Variants in GNL3 observed in about 807,000 individuals in gnomAD.
The protein encoded by GNL3 is guanine nucleotide-binding protein-like 3.
Under a neutral mutation model 70.6 loss-of-function variants are expected in GNL3, and 77 were observed. That is an observed-to-expected ratio of 1.09 (90% confidence interval 0.91 to 1.32). The LOEUF is 1.32. GNL3 is among the 40% of genes most tolerant of loss of function. GNL3 has a pLI of 0.00. For missense variants in GNL3, 634 were observed against 644.0 expected (o/e 0.98, Z 0.17); for synonymous variants, 252 against 216.1 (o/e 1.17, Z -1.46).
intron 5 of GNL3, 181 bp from the exon 6 acceptor site, chr3:52,688,893 A>G (rs2097324665): frequency 4.9e-6 from 3 of 614,712 alleles, no homozygotes; most frequent in Non-Finnish European, 8.7e-6. Flanking sequence ...CCTGTGTGAG[A>G]AATGATGAGG....
Position 52,694,046 on chromosome 3 carries a change from T to C in GNL3, c.1510T>C (p.Ser504Pro). The C allele has an allele frequency of 6.2e-7, 1 of 1,613,648 alleles. No individual in the cohort carries two copies. Reference sequence around the variant, plus strand: ...TTTCTTTGTCACACAGGAAAACAGCTCAGGCATGTTTGCTGCAGAAGAGAC... The same window carrying C: ...TTTCTTTGTCACACAGGAAAACAGCCCAGGCATGTTTGCTGCAGAAGAGAC... ...TVDEEVDENS[S>P]GMFAAEETGE... Residue 504 changes from serine to proline, a missense_variant, in exon 14 of 15, where the codon TCA (serine) becomes CCA (proline). Physicochemically the swap from Ser to Pro is moderately conservative, Grantham distance 74. Coordinates refer to ENST00000418458, the MANE Select transcript of GNL3 (RefSeq NM_014366.5).
At chr3:52,685,929 A>T, upstream of GNL3, 2 of 676,622 alleles carry the variant, frequency 3.0e-6, no homozygotes, top group South Asian at 3.1e-5. Flanking sequence ...CGCGGCCGCC[A>T]AGCGATCCCT....
At chr3:52,693,382 T>C in intron 11 of GNL3, 26 bp from the exon 12 acceptor site, 1 of 1,614,106 alleles carries the variant, frequency 6.2e-7, no homozygotes. Flanking sequence ...AAACCTTCTT[T>C]TGACACATCT....
rs2097324948 is a variant in GNL3 at position 52,689,152 on chromosome 3, G to A, written c.487G>A (p.Glu163Lys). The change falls in exon 6 of 15, where the codon GAG (glutamate) becomes AAG (lysine). Residue 163 changes from glutamate (E) to lysine (K), a missense_variant. Transcript: ENST00000418458. ...PLGCRCPQVE[E>K]AIVQSGQKKL... ...TGGTTGCAGATGTCCTCAGGTAGAA[G>A]AGGCCATTGTCCAGAGTGGACAGAA... 3.1e-6 allele frequency: 5 copies of A among 1,612,966 alleles called. No individual in the cohort carries two copies. The East Asian group carries it at 1.1e-4, about 36-fold the overall frequency.
At chr3:52,689,246 G>A in intron 6 of GNL3, 40 bp downstream of exon 6, 1 of 1,573,634 alleles carries the variant, frequency 6.4e-7, no homozygotes, top group Non-Finnish European at 8.7e-7. Flanking sequence ...GTGTACATGG[G>A]TGAGGTACGA....
chr3:52,693,966 G>T lies in GNL3; in HGVS notation c.1501-71G>T. 5 of 1,394,558 alleles carry T rather than the reference G, an allele frequency of 3.6e-6. No individual in the cohort carries two copies. In the East Asian group the frequency reaches 6.8e-5, roughly 19 times the overall value. 86.4% of individuals were successfully genotyped at this position (1,394,558 alleles called of 1,614,324 possible). ...TACCTCCAAAGAGTTAATTTTTCAG[G>T]TACATAACTACTTGGATTAAATGAG... is the stretch of plus-strand genomic sequence containing the variant. On this transcript the variant is annotated intron_variant, in intron 13 of 14. Coordinates refer to ENST00000418458, the MANE Select transcript of GNL3 (RefSeq NM_014366.5).
At chr3:52,689,944 C>T (rs1231914990) in intron 6 of GNL3, among the ~76,000 whole-genome samples, 1 of 152,040 alleles carries the variant, frequency 6.6e-6, no homozygotes, top group African/African-American at 2.4e-5. Context: ...AACACTTCGT[C>T]TCAAAAATGA....
chr3:52,689,185 G>GT lies in GNL3; in HGVS notation c.521dup (p.Leu175ThrfsTer5). 1 of 1,613,500 alleles carries GT rather than the reference G, an allele frequency of 6.2e-7. No homozygotes were observed. Among genetic ancestry groups the GT allele is most frequent in the Non-Finnish European group, 8.5e-7 (1 of 1,179,438 alleles). On this transcript the variant is annotated frameshift_variant, in exon 6 of 15. Coordinates refer to ENST00000418458, the MANE Select transcript of GNL3 (RefSeq NM_014366.5). LOFTEE classifies it high-confidence loss of function. ...TGTCCAGAGTGGACAGAAAAAGCTG[G>GT]TACTTATATTAAATAAATCAGGTGA...
At chr3:52,690,524 A>C (rs933829725) in intron 6 of GNL3, 68 bp from the exon 7 acceptor site, 1 of 845,674 alleles carries the variant, frequency 1.2e-6, no homozygotes, top group East Asian at 2.5e-5. Context: ...CGGCCTCCCA[A>C]AGTGCTGGGA....
At chr3:52,690,549 C>T in intron 6 of GNL3, 43 bp from the exon 7 acceptor site, 4 of 1,112,826 alleles carry the variant, frequency 3.6e-6, no homozygotes, top group South Asian at 1.2e-5. Context: ...AGGCGTGAGC[C>T]ACCGTGCCTG....
rs767523266 is a variant in GNL3, at chr3:52,693,696, A to C, written c.1389A>C (p.Ile463=). 2.0e-5 allele frequency: 33 copies of C among 1,613,972 alleles called. 1 individual carries two copies. The Admixed American group carries it at 5.3e-4, about 26-fold the overall frequency. ...LFQSSGLTNG[I]IEEKDIHEEL... is the part of the protein sequence containing the mutation. Reference sequence around the variant, plus strand: ...AGTCTTCCGGTCTGACAAATGGAATAATAGAAGAAAAGGACATACATGAAG... The same window carrying C: ...AGTCTTCCGGTCTGACAAATGGAATCATAGAAGAAAAGGACATACATGAAG... The change falls in exon 13 of 15, where the codon ATA becomes ATC. Residue 463 remains isoleucine, a synonymous_variant. Transcript: ENST00000418458.
At chr3:52,690,366 C>T (rs147227246) in intron 6 of GNL3, among the ~76,000 whole-genome samples, 2,916 of 152,222 alleles carry the variant, frequency 0.019, 100 homozygotes, top group African/African-American at 0.066. Flanking sequence ...GGGTTCACGC[C>T]GTTCTCCTGC....
upstream of GNL3, chr3:52,685,981 T>C: frequency 1.3e-6 from 1 of 758,040 alleles, no homozygotes. Context: ...AGAGAGGCGG[T>C]GACGCACTTT....
intron 2 of GNL3, 107 bp from the exon 3 acceptor site, chr3:52,687,139 A>G (rs1377132735): frequency 3.3e-6 from 3 of 899,504 alleles, no homozygotes; most frequent in African/African-American, 3.3e-5. Flanking sequence ...TTTTCCTAGG[A>G]CATTTTATAG....
chr3:52,687,905 T>A (rs2097323774), intron 4 of GNL3: 2 of 597,856 alleles, frequency 3.3e-6, no homozygotes, highest in South Asian at 2.1e-5. Flanking sequence ...TGGGCTGTTG[T>A]GCCTGGCTGA....
In GNL3 at chr3:52,694,041, A is replaced by C; in HGVS notation, c.1505A>C (p.Asn502Thr). 1 of 1,613,554 alleles carries C rather than the reference A, an allele frequency of 6.2e-7. No individual in the cohort carries two copies. The highest frequency in any genetic ancestry group is 1.1e-5 in the South Asian group (1 of 91,076). The change falls in exon 14 of 15, where the codon AAC becomes ACC. Residue 502 changes from asparagine to threonine, a missense_variant. Coordinates refer to ENST00000418458, the MANE Select transcript of GNL3 (RefSeq NM_014366.5). ...CTATTTTTCTTTGTCACACAGGAAA[A>C]CAGCTCAGGCATGTTTGCTGCAGAA... ...QETVDEEVDENSSGMFAAEET... is the reference protein window; with the variant it reads ...QETVDEEVDETSSGMFAAEET...
Position 52,693,773 on chromosome 3 carries a change from A to G in GNL3, c.1466A>G (p.Asp489Gly), listed in dbSNP as rs766622826. ...CAGGAGGAGAGGGAGGATGACAAAGACAGTGACCAGGAAACTGTTGATGAA... is the reference window on the plus strand; with the variant it reads ...CAGGAGGAGAGGGAGGATGACAAAGGCAGTGACCAGGAAACTGTTGATGAA... Reference protein sequence around the residue: ...RKQEEREDDKDSDQETVDEEV... With the variant: ...RKQEEREDDKGSDQETVDEEV... The change falls in exon 13 of 15, where the codon GAC (aspartate) becomes GGC (glycine). Residue 489 changes from aspartate (D) to glycine (G), a missense_variant. Coordinates refer to ENST00000418458, the MANE Select transcript of GNL3 (RefSeq NM_014366.5). The G allele has an allele frequency of 1.2e-6, 2 of 1,614,026 alleles. No homozygotes were observed. Among genetic ancestry groups the G allele is most frequent in the African/African-American group, 2.7e-5 (2 of 74,924 alleles).
In GNL3 at chr3:52,687,516, ACAG is replaced by A; in HGVS notation, c.232_234del (p.Gln78del). On this transcript the variant is annotated inframe_deletion, in exon 4 of 15. Transcript: ENST00000418458. ...GGCTCTGACAGCTTGAAGAACTAAAACAGCAGCAGAAACTTGACAGGCAGAAGG... is the reference window on the plus strand; with the variant it reads ...GGCTCTGACAGCTTGAAGAACTAAAACAGCAGAAACTTGACAGGCAGAAGG... 1 of 1,613,230 alleles carries A rather than the reference ACAG, an allele frequency of 6.2e-7. No individual in the cohort carries two copies. The highest frequency in any genetic ancestry group is 1.1e-5 in the South Asian group (1 of 91,058).
In GNL3 at chr3:52,687,312, G is replaced by A. The variant is rs754544585; in HGVS notation, c.139G>A (p.Asp47Asn). The A allele has an allele frequency of 1.2e-6, 2 of 1,612,552 alleles. No homozygotes were observed. Among genetic ancestry groups the A allele is most frequent in the East Asian group, 4.5e-5 (2 of 44,876 alleles). Reference protein sequence around the residue: ...KKRGHKKPRKDPGVPNSAPFK... With the variant: ...KKRGHKKPRKNPGVPNSAPFK... ...GCGGGGTCACAAGAAGCCTAGGAAA[G>A]ACCCAGGAGTTCCAAACAGTGCTCC... The change falls in exon 3 of 15, where the codon GAC (aspartate) becomes AAC (asparagine). Residue 47 changes from aspartate (D) to asparagine (N), a missense_variant. Coordinates refer to ENST00000418458, the MANE Select transcript of GNL3 (RefSeq NM_014366.5).
Sources: allele counts gnomAD v4.1 joint callset (sites outside exome capture counted in the v4.1 genomes callset), GRCh38; gene constraint gnomAD v4.1.1; transcripts MANE v1.5; gene names NCBI Gene and HGNC (gene_info 2026-07-23, HGNC 2026-07-21).